LIPH: variants seen among roughly 807,000 people sequenced by gnomAD.
LIPH encodes lipase H, also known as lipase member H.
LIPH carries 32 observed loss-of-function variants against 47.6 expected under a neutral mutation model. The ratio of observed to expected loss-of-function variants is 0.67; its 90% confidence interval spans 0.51 to 0.90. The LOEUF (loss-of-function observed/expected upper bound fraction) is 0.90. Among genes scored for constraint, LIPH ranks in the 40% least tolerant of loss-of-function variants. LIPH has a pLI of 0.00. For missense variants in LIPH, 497 were observed against 541.4 expected, an observed-to-expected ratio of 0.92 and a Z score of 0.81; for synonymous variants, 190 against 195.6, an observed-to-expected ratio of 0.97 and a Z score of 0.24.
intron 6 of LIPH, 103 bp downstream of exon 6, chr3:185,519,039 A>T: frequency 3.0e-6 from 3 of 1,016,816 alleles, no homozygotes; most frequent in Non-Finnish European, 4.7e-6. Flanking sequence ...ACAAGTTTTT[A>T]ATACAATTAT....
At chr3:185,528,060 A>C in intron 3 of LIPH, among the ~76,000 whole-genome samples, 1 of 151,588 alleles carries the variant, frequency 6.6e-6, no homozygotes, top group East Asian at 1.9e-4. Context: ...CCGTCTCTAC[A>C]AAAATACAAA....
At chr3:185,529,070 G>C (rs1278779022) in intron 3 of LIPH, among the ~76,000 whole-genome samples, 4 of 149,572 alleles carry the variant, frequency 2.7e-5, no homozygotes, top group African/African-American at 7.4e-5. Context: ...CCAGCTACTC[G>C]GGAGGCTAAG....
At chr3:185,552,196 A>C (rs1721067771) in intron 1 of LIPH, among the ~76,000 whole-genome samples, 1 of 149,402 alleles carries the variant, frequency 6.7e-6, no homozygotes, top group Admixed American at 6.7e-5. Context: ...TTCTTTTATT[A>C]TTGAGAAATT....
At chr3:185,514,141 A>C (rs1294653070) in intron 8 of LIPH, among the ~76,000 whole-genome samples, 2 of 152,098 alleles carry the variant, frequency 1.3e-5, no homozygotes, top group East Asian at 1.9e-4. Context: ...AAAGAGAGGG[A>C]AAGAGGGAGG....
chr3:185,542,665 C>T (rs1720749308), intron 1 of LIPH, among the ~76,000 whole-genome samples: 1 of 152,162 alleles, frequency 6.6e-6, no homozygotes, highest in South Asian at 2.1e-4. Context: ...ATGGTGTCCA[C>T]TCATAGGTTT....
At chr3:185,515,439 A>C (rs1218214770) in intron 7 of LIPH, among the ~76,000 whole-genome samples, 3 of 152,244 alleles carry the variant, frequency 2.0e-5, no homozygotes, top group Non-Finnish European at 4.4e-5. Flanking sequence ...CTTGCCCCAT[A>C]CAGACCAGGT....
At chr3:185,524,284 T>C in intron 4 of LIPH, 124 bp from the exon 5 acceptor site, 5 of 687,986 alleles carry the variant, frequency 7.3e-6, no homozygotes, top group South Asian at 4.8e-5. Flanking sequence ...GTTATACCTA[T>C]GTAAGAGTTT....
intron 1 of LIPH, among the ~76,000 whole-genome samples, chr3:185,549,337 C>G (rs1168799589): frequency 1.3e-5 from 2 of 152,096 alleles, no homozygotes; most frequent in Non-Finnish European, 2.9e-5. Flanking sequence ...TATGCACATT[C>G]ACACCCCCTC....
intron 4 of LIPH, 29 bp from the exon 5 acceptor site, chr3:185,524,189 C>T (rs749476378): frequency 1.5e-6 from 2 of 1,361,546 alleles, no homozygotes; most frequent in Non-Finnish European, 2.1e-6. Context: ...TGCTTTTATA[C>T]TCCTTTGAAT....
At chr3:185,545,544 C>T (rs982771517) in intron 1 of LIPH, among the ~76,000 whole-genome samples, 1 of 152,188 alleles carries the variant, frequency 6.6e-6, no homozygotes, top group African/African-American at 2.4e-5. Flanking sequence ...AATATTTACT[C>T]TCTGGCTCTT....
intron 5 of LIPH, among the ~76,000 whole-genome samples, chr3:185,522,644 G>A (rs1173636501): frequency 2.6e-4 from 28 of 106,536 alleles, no homozygotes; most frequent in Non-Finnish European, 2.9e-4. Flanking sequence ...AAGAAAGAGA[G>A]AAAGAAAAAG....
rs1719386494 is a variant in LIPH at position 185,506,692 on chromosome 3, G to A, written c.*2098C>T. 1 of 152,128 alleles carries A rather than the reference G, an allele frequency of 6.6e-6. No individual in the cohort carries two copies. The highest frequency in any genetic ancestry group is 1.5e-5 in the Non-Finnish European group (1 of 68,084). The allele number at this position is 152,128 out of a possible 1,614,324, so 9.4% of individuals were successfully genotyped here. On this transcript the variant is annotated 3_prime_UTR_variant, in exon 10 of 10. Coordinates refer to ENST00000296252, the MANE Select transcript of LIPH (RefSeq NM_139248.3). The stretch of plus-strand genomic sequence containing the variant: ...CTACTAAAAATACAAAAATTAGCCA[G>A]GCATGGTGGGGGCGCCTGTAATCCC...
intron 6 of LIPH, among the ~76,000 whole-genome samples, chr3:185,518,342 C>T (rs537590594): frequency 4.0e-5 from 6 of 151,248 alleles, no homozygotes; most frequent in African/African-American, 9.7e-5. Flanking sequence ...TGCAATGGCG[C>T]GGTCTCAGCT....
At chr3:185,552,224 G>A (rs1227688539) in intron 1 of LIPH, among the ~76,000 whole-genome samples, 199 bp downstream of exon 1, 1 of 141,614 alleles carries the variant, frequency 7.1e-6, no homozygotes, top group Non-Finnish European at 1.5e-5. Context: ...GGATGAGAAA[G>A]TTCATCTAAC....
rs145176092 is a variant in LIPH at position 185,546,468 on chromosome 3, C to T, written c.49+5955G>A. Among the ~76,000 whole-genome samples the T allele has an allele frequency of 2.3e-3, 343 of 152,036 alleles. 2 individuals carry two copies. The highest frequency in any genetic ancestry group is 8.0e-3 in the African/African-American group (331 of 41,496). On this transcript the variant is annotated intron_variant, in intron 1 of 9. Coordinates refer to ENST00000296252, the MANE Select transcript of LIPH (RefSeq NM_139248.3). ...ACTTGAGTCCAGGGTTCAAAGCCTG[C>T]CTGGGCAATATGGCAACACCCATCT... is the stretch of plus-strand genomic sequence containing the variant.
At chr3:185,546,907 A>G (rs892046191) in intron 1 of LIPH, 16 of 454,188 alleles carry the variant, frequency 3.5e-5, no homozygotes, top group African/African-American at 3.0e-4. Context: ...TTTATTTCCC[A>G]TATTTCTGAC....
chr3:185,552,255 TTTAAGGAAATG>T (rs1490947385), intron 1 of LIPH, among the ~76,000 whole-genome samples, 157 bp downstream of exon 1: 1 of 151,888 alleles, frequency 6.6e-6, no homozygotes, highest in African/African-American at 2.4e-5. Context: ...TTTTTTTTTT[TTTAAGGAAATG>T]TTAAGGAAAT....
At chr3:185,513,138 C>A (rs946831102) in intron 8 of LIPH, among the ~76,000 whole-genome samples, 6 of 151,892 alleles carry the variant, frequency 4.0e-5, no homozygotes, top group African/African-American at 9.7e-5. Context: ...GTCAAGAGAT[C>A]GAGATCATCC....
At chr3:185,542,515 C>T (rs1280428154) in intron 1 of LIPH, among the ~76,000 whole-genome samples, 1 of 151,940 alleles carries the variant, frequency 6.6e-6, no homozygotes, top group Non-Finnish European at 1.5e-5. Context: ...CAGGGTTTCA[C>T]CATGTTGTCC....
Sources: allele counts gnomAD v4.1 joint callset (sites outside exome capture counted in the v4.1 genomes callset), GRCh38; gene constraint gnomAD v4.1.1; transcripts MANE v1.5; gene names NCBI Gene and HGNC (gene_info 2026-07-23, HGNC 2026-07-21).